KIF1A: variants seen among roughly 807,000 people sequenced by gnomAD.
KIF1A encodes the protein kinesin-like protein KIF1A.
KIF1A carries 46 observed loss-of-function variants against 227.3 expected under a neutral mutation model. The observed-to-expected ratio is 0.20, with a 90% CI of 0.16 to 0.26. KIF1A has a LOEUF of 0.26. KIF1A is among the 10% of genes least tolerant of loss of function. The pLI, the probability that KIF1A is intolerant of heterozygous loss-of-function variation, is 1.00. For missense variants in KIF1A, 1,683 were observed against 2,485.9 expected (o/e 0.68, Z 6.87); for synonymous variants, 1,022 against 1,012.8 (o/e 1.01, Z -0.17).
intron 16 of KIF1A, 67 bp downstream of exon 16, chr2:240,769,560 T>A (rs1304130006): frequency 1.5e-6 from 2 of 1,366,944 alleles, no homozygotes; most frequent in Non-Finnish European, 2.1e-6. Context: ...TCAGTGCTCA[T>A]CCTGCCCAGG....
intron 38 of KIF1A, among the ~76,000 whole-genome samples, chr2:240,730,865 G>T (rs1443430525): frequency 6.6e-6 from 1 of 152,190 alleles, no homozygotes; most frequent in Non-Finnish European, 1.5e-5. Flanking sequence ...CAGCCAACTG[G>T]AGGAGGCTGG....
chr2:240,722,671 C>T lies in KIF1A; in HGVS notation c.4465-15G>A, dbSNP rs1311217997. The T allele has an allele frequency of 1.3e-6, 2 of 1,495,986 alleles. No individual in the cohort carries two copies. Among genetic ancestry groups the T allele is most frequent in the South Asian group, 1.3e-5 (1 of 76,106 alleles). 92.7% of individuals were successfully genotyped at this position (1,495,986 alleles called of 1,614,324 possible). Reference sequence around the variant, plus strand: ...GTCTTCTCCACCTTCAGACAGGACACAAGGCCTTACCTGCTGCACCTCAGG... The same window carrying T: ...GTCTTCTCCACCTTCAGACAGGACATAAGGCCTTACCTGCTGCACCTCAGG... On this transcript the variant is annotated splice_polypyrimidine_tract_variant and intron_variant, in intron 42 of 48. Coordinates refer to ENST00000498729, the MANE Select transcript of KIF1A (RefSeq NM_001244008.2).
chr2:240,768,780 G>C (rs1366582896), intron 17 of KIF1A, among the ~76,000 whole-genome samples: 1 of 152,200 alleles, frequency 6.6e-6, no homozygotes, highest in African/African-American at 2.4e-5. Context: ...CCAGCTCTGT[G>C]AGCAGCCCAG....
intron 45 of KIF1A, 104 bp from the exon 46 acceptor site, chr2:240,720,030 G>A: frequency 1.7e-6 from 2 of 1,192,546 alleles, no homozygotes; most frequent in Non-Finnish European, 2.3e-6. Flanking sequence ...GGTGCAGTAG[G>A]GCACCTTCGC....
Position 240,723,532 on chromosome 2 carries a change from G to A in KIF1A, c.4345C>T (p.Leu1449=). Residue 1449 remains leucine, a synonymous_variant, in exon 42 of 49, where the codon CTG becomes TTG. Coordinates refer to ENST00000498729, the MANE Select transcript of KIF1A (RefSeq NM_001244008.2). The stretch of plus-strand genomic sequence containing the variant: ...CGGACATAGGCCACAGATGTGTCCA[G>A]GACTCGTCGGCGCCGGCGCTGCATC... ...PGMQRRRRRV[L]DTSVAYVRGE... 2 of 1,543,806 alleles carry A rather than the reference G, an allele frequency of 1.3e-6. No individual in the cohort carries two copies. Among genetic ancestry groups the A allele is most frequent in the Non-Finnish European group, 1.8e-6 (2 of 1,141,396 alleles).
chr2:240,786,657 AG>A (rs1305213760), intron 5 of KIF1A, 144 bp from the exon 6 acceptor site: 39 of 620,124 alleles, frequency 6.3e-5, no homozygotes, highest in African/African-American at 1.3e-4. Context: ...CCCCTGAGTG[AG>A]GGGGTGGGGG....
At chr2:240,807,681 C>T (rs1274421256) in intron 1 of KIF1A, among the ~76,000 whole-genome samples, 2 of 152,132 alleles carry the variant, frequency 1.3e-5, no homozygotes, top group Non-Finnish European at 2.9e-5. Flanking sequence ...AGCTCATTCA[C>T]TGATGCTAAT....
At chr2:240,737,294 G>A in intron 37 of KIF1A, 126 bp from the exon 38 acceptor site, 1 of 740,646 alleles carries the variant, frequency 1.4e-6, no homozygotes, top group Non-Finnish European at 2.4e-6. Context: ...GTCTGTCAAA[G>A]GCGGTGCCAG....
chr2:240,760,989 G>A (rs1218000729), intron 24 of KIF1A, 146 bp from the exon 25 acceptor site: 2 of 926,352 alleles, frequency 2.2e-6, no homozygotes, highest in African/African-American at 1.7e-5. Context: ...CGCCAGGGGG[G>A]ACCACCTACT....
intron 7 of KIF1A, among the ~76,000 whole-genome samples, chr2:240,784,120 C>T (rs1199034593): frequency 3.3e-5 from 5 of 152,338 alleles, no homozygotes; most frequent in South Asian, 2.1e-4. Context: ...ATGGCATCCA[C>T]GAGGTGCGAC....
At chr2:240,762,877 T>C (rs1440779837) in intron 22 of KIF1A, 65 bp from the exon 23 acceptor site, 11 of 1,466,514 alleles carry the variant, frequency 7.5e-6, no homozygotes, top group Non-Finnish European at 1.0e-5. Flanking sequence ...ACACTGCGCC[T>C]AGACAGTGGG....
In KIF1A at chr2:240,757,157, G is replaced by A. The variant is rs1055850979; in HGVS notation, c.2858+162C>T. ...GCCCCACTGCAAGGATGCAGGGCCC[G>A]GGGGCCCTCGGGTGCTCTCCTCAGG... is the stretch of plus-strand genomic sequence containing the variant. On this transcript the variant is annotated intron_variant, in intron 27 of 48. Coordinates refer to ENST00000498729, the MANE Select transcript of KIF1A (RefSeq NM_001244008.2). This position sits in a 1 kb window ranked among gnomAD's most constrained non-coding sequence, Gnocchi z 6.2. Among the ~76,000 whole-genome samples, 8 of 152,166 alleles carry A rather than the reference G, an allele frequency of 5.3e-5. No homozygotes were observed. Among genetic ancestry groups the A allele is most frequent in the Non-Finnish European group, 1.0e-4 (7 of 68,006 alleles).
At chr2:240,803,783 G>A (rs565555073) in intron 1 of KIF1A, among the ~76,000 whole-genome samples, 1 of 152,072 alleles carries the variant, frequency 6.6e-6, no homozygotes, top group Non-Finnish European at 1.5e-5. Flanking sequence ...AGGAACAAAG[G>A]CTGCTGATTT....
intron 28 of KIF1A, 150 bp downstream of exon 28, chr2:240,750,279 C>CAGGGAGAGTGG: frequency 1.6e-6 from 1 of 628,766 alleles, no homozygotes; most frequent in Non-Finnish European, 2.8e-6. Flanking sequence ...AGGTTGACCC[C>CAGGGAGAGTGG]AGGGAGAGTG....
rs1488535391 is a variant in KIF1A, at chr2:240,739,194, C to T, written c.3901+864G>A. On this transcript the variant is annotated intron_variant, in intron 37 of 48. Coordinates refer to ENST00000498729, the MANE Select transcript of KIF1A (RefSeq NM_001244008.2). This position sits in a 1 kb window ranked among gnomAD's most constrained non-coding sequence, Gnocchi z 5.6. ...AGGGAAGTGACCTTGAGCAGCCACC[C>T]AGCCCGGCCATGGCAATGTCTGGGG... Among the ~76,000 whole-genome samples, 2 of 152,252 alleles carry T rather than the reference C, an allele frequency of 1.3e-5. No individual in the cohort carries two copies. The highest frequency in any genetic ancestry group is 2.4e-5 in the African/African-American group (1 of 41,462).
chr2:240,754,465 T>C (rs1279816848), intron 27 of KIF1A, among the ~76,000 whole-genome samples: 1 of 152,172 alleles, frequency 6.6e-6, no homozygotes, highest in Non-Finnish European at 1.5e-5. Flanking sequence ...AGCACCAGCC[T>C]CAAGAGAGCT....
In KIF1A at chr2:240,765,729, C is replaced by T; in HGVS notation, c.1749G>A (p.Glu583=). ...CCATACCTGAACGCAGGATGCTGGG[C>T]TCTGTGACTTTCTTGCCATTGACGT... ...DTYVNGKKVT[E]PSILRSGNRI... The change falls in exon 20 of 49, where the codon GAG becomes GAA. Residue 583 remains glutamate (E), a synonymous_variant. Coordinates refer to ENST00000498729, the MANE Select transcript of KIF1A (RefSeq NM_001244008.2). 6.2e-7 allele frequency: 1 copy of T among 1,613,566 alleles called. No individual in the cohort carries two copies. The highest frequency in any genetic ancestry group is 8.5e-7 in the Non-Finnish European group (1 of 1,179,734).
chr2:240,727,478 A>G (rs2046157355), intron 38 of KIF1A, among the ~76,000 whole-genome samples: 1 of 152,180 alleles, frequency 6.6e-6, no homozygotes. Flanking sequence ...CGGGTTTGCC[A>G]AAAACCTCCA....
chr2:240,793,466 G>A lies in KIF1A; in HGVS notation c.107-4154C>T, dbSNP rs114299380. Among the ~76,000 whole-genome samples the A allele has an allele frequency of 0.021, 3,172 of 152,262 alleles. 112 individuals carry two copies. The highest frequency in any genetic ancestry group is 0.071 in the African/African-American group (2,963 of 41,546). On this transcript the variant is annotated intron_variant, in intron 2 of 48. Coordinates refer to ENST00000498729, the MANE Select transcript of KIF1A (RefSeq NM_001244008.2). The surrounding 1 kb of genome is among the most constrained non-coding windows in gnomAD (Gnocchi z 4.8). ...GGGCCGCACATGGCTGAGGGTCCGCGTCCCCAGCCAGCCTCCAGCATCTGC... is the reference window on the plus strand; with the variant it reads ...GGGCCGCACATGGCTGAGGGTCCGCATCCCCAGCCAGCCTCCAGCATCTGC...
Sources: gnomAD v4.1 joint callset for allele counts (sites outside exome capture counted in the v4.1 genomes callset) on GRCh38, gnomAD v4.1.1 for gene constraint, Gnocchi (gnomAD v3.1) non-coding constraint, MANE v1.5 for transcripts, NCBI Gene and HGNC (gene_info 2026-07-23, HGNC 2026-07-21) for gene names.